The following PLCG2 variants were observed in gnomAD, a reference collection of about 807,000 sequenced individuals.
PLCG2 encodes 1-phosphatidylinositol 4,5-bisphosphate phosphodiesterase gamma-2.
A neutral mutation model predicts 175.6 loss-of-function variants in PLCG2; 69 were observed. The observed-to-expected ratio is 0.39, with a 90% CI of 0.32 to 0.48. PLCG2 has a LOEUF of 0.48. PLCG2 is among the 20% of genes least tolerant of loss of function. PLCG2 has a pLI of 0.91. For synonymous variants in PLCG2, 827 were observed against 624.0 expected (o/e 1.33, Z -4.85); for missense variants, 1,798 against 1,650.9 (o/e 1.09, Z -1.54).
At chr16:81,924,916 C>T (rs1187499572) in intron 22 of PLCG2, among the ~76,000 whole-genome samples, 1 of 152,272 alleles carries the variant, frequency 6.6e-6, no homozygotes, top group East Asian at 1.9e-4. Context: ...AGTCCCTCCA[C>T]TCGAAGTGGC....
intron 2 of PLCG2, among the ~76,000 whole-genome samples, chr16:81,817,172 A>C (rs4243216): frequency 6.6e-6 from 1 of 152,082 alleles, no homozygotes; most frequent in Admixed American, 6.5e-5. Context: ...GGAAGAGCGC[A>C]CATGATGGGT....
At chr16:81,933,288 C>T (rs1041367417) in intron 25 of PLCG2, among the ~76,000 whole-genome samples, 2 of 152,228 alleles carry the variant, frequency 1.3e-5, no homozygotes, top group African/African-American at 4.8e-5. Context: ...GGCACAGCTA[C>T]CCCTTTTGCG....
intron 2 of PLCG2, among the ~76,000 whole-genome samples, chr16:81,797,474 G>C (rs944684070): frequency 1.3e-5 from 2 of 152,150 alleles, no homozygotes; most frequent in African/African-American, 4.8e-5. Flanking sequence ...CCCGATCTTG[G>C]GGCCAGGCCT....
intron 2 of PLCG2, among the ~76,000 whole-genome samples, chr16:81,770,676 C>T (rs577389696): frequency 2.6e-5 from 4 of 152,196 alleles, no homozygotes; most frequent in South Asian, 2.1e-4. Flanking sequence ...GCTGAGATTG[C>T]GCCACTGCCC....
chr16:81,895,229 A>C (rs192134254), intron 12 of PLCG2, among the ~76,000 whole-genome samples: 5 of 152,338 alleles, frequency 3.3e-5, no homozygotes, highest in African/African-American at 1.2e-4. Flanking sequence ...CAACAGGTAA[A>C]GTCAGAAAAT....
chr16:81,824,828 G>A (rs1489725074), intron 2 of PLCG2, among the ~76,000 whole-genome samples: 1 of 152,150 alleles, frequency 6.6e-6, no homozygotes, highest in Non-Finnish European at 1.5e-5. Context: ...TACATTATGT[G>A]GCAAAGGAGA....
In PLCG2 at chr16:81,928,585, C is replaced by G; in HGVS notation, c.2542C>G (p.Leu848Val). Residue 848 changes from leucine (L) to valine (V), a missense_variant, in exon 24 of 33, where the codon CTT (leucine) becomes GTT (valine). Transcript: ENST00000564138. ...QIIEDNPLGS[L>V]CRGILDLNTY... Reference sequence around the variant, plus strand: ...TATTGAAGACAATCCCTTAGGGTCTCTTTGCAGAGGAATATTGGACCTCAA... The same window carrying G: ...TATTGAAGACAATCCCTTAGGGTCTGTTTGCAGAGGAATATTGGACCTCAA... 2 of 1,609,362 alleles carry G rather than the reference C, an allele frequency of 1.2e-6. No homozygotes were observed. Among genetic ancestry groups the G allele is most frequent in the Non-Finnish European group, 1.7e-6 (2 of 1,175,614 alleles).
chr16:81,941,682 C>T (rs1171002408), intron 30 of PLCG2, among the ~76,000 whole-genome samples: 2 of 149,814 alleles, frequency 1.3e-5, no homozygotes, highest in Non-Finnish European at 3.0e-5. Context: ...TGGGTTAACT[C>T]ACCCACACTG....
At chr16:81,824,498 A>T (rs1238648686) in intron 2 of PLCG2, among the ~76,000 whole-genome samples, 2 of 151,486 alleles carry the variant, frequency 1.3e-5, no homozygotes, top group Non-Finnish European at 2.9e-5. Context: ...GCTGGAAAGC[A>T]CCTCCAGCTT....
rs74736661 is a variant in PLCG2 at position 81,878,787 on chromosome 16, C to T, written c.649-2123C>T. On this transcript the variant is annotated intron_variant, in intron 7 of 32. Coordinates refer to ENST00000564138, the MANE Select transcript of PLCG2 (RefSeq NM_002661.5). ...GATGTTGTAACTTGCCTTTGGGATG[C>T]CCGACTGTCTTCCTTATCTTGCCTC... is the stretch of plus-strand genomic sequence containing the variant. 1.7e-3 allele frequency among the ~76,000 whole-genome samples: 258 copies of T among 152,282 alleles called. 6 individuals carry two copies. The East Asian group carries it at 0.045, about 27-fold the overall frequency.
chr16:81,857,425 G>T (rs1906740912), intron 3 of PLCG2, among the ~76,000 whole-genome samples: 1 of 152,158 alleles, frequency 6.6e-6, no homozygotes, highest in African/African-American at 2.4e-5. Flanking sequence ...GTGTGCTCTG[G>T]CTACTGTAAT....
At chr16:81,851,598 C>T (rs1296430219) in intron 2 of PLCG2, among the ~76,000 whole-genome samples, 2 of 152,124 alleles carry the variant, frequency 1.3e-5, no homozygotes, top group East Asian at 1.9e-4. Context: ...CTGCAACCTC[C>T]GCCTCCCGAG....
At chr16:81,844,318 TTTTC>T (rs1681476016) in intron 2 of PLCG2, among the ~76,000 whole-genome samples, 1 of 149,134 alleles carries the variant, frequency 6.7e-6, no homozygotes, top group African/African-American at 2.5e-5. Flanking sequence ...TTTTCCTTTC[TTTTC>T]TTTCTTCTTT....
intron 31 of PLCG2, among the ~76,000 whole-genome samples, chr16:81,952,200 C>T (rs1419662245): frequency 1.3e-5 from 2 of 151,894 alleles, no homozygotes; most frequent in Non-Finnish European, 2.9e-5. Flanking sequence ...TATACCAACC[C>T]TTCCAAAATT....
intron 2 of PLCG2, among the ~76,000 whole-genome samples, chr16:81,794,547 C>G (rs567823654): frequency 1.3e-5 from 2 of 152,246 alleles, no homozygotes; most frequent in African/African-American, 2.4e-5. Flanking sequence ...AATCCTGGTC[C>G]TGCACTTGGT....
intron 9 of PLCG2, among the ~76,000 whole-genome samples, chr16:81,884,257 A>G (rs1908240900): frequency 6.6e-6 from 1 of 152,138 alleles, no homozygotes; most frequent in Non-Finnish European, 1.5e-5. Context: ...AGGCTGAGGC[A>G]GGAGAATGGC....
At chr16:81,769,805 G>A (rs1252304230) in intron 2 of PLCG2, among the ~76,000 whole-genome samples, 1 of 122,354 alleles carries the variant, frequency 8.2e-6, no homozygotes. Flanking sequence ...GGGCGACAGA[G>A]CGAGACTCCG....
intron 2 of PLCG2, among the ~76,000 whole-genome samples, chr16:81,804,811 G>A (rs1393129857): frequency 6.6e-6 from 1 of 152,216 alleles, no homozygotes; most frequent in Non-Finnish European, 1.5e-5. Context: ...CTGGAGAAAT[G>A]TCATTGGGAA....
chr16:81,746,504 G>A (rs755218241), intron 1 of PLCG2, among the ~76,000 whole-genome samples: 1 of 152,224 alleles, frequency 6.6e-6, no homozygotes, highest in African/African-American at 2.4e-5. Context: ...GCCAGGGGTG[G>A]GAACCGCGGG....
Sources: gnomAD v4.1 joint callset for allele counts (sites outside exome capture counted in the v4.1 genomes callset) on GRCh38, gnomAD v4.1.1 for gene constraint, MANE v1.5 for transcripts, NCBI Gene and HGNC (gene_info 2026-07-23, HGNC 2026-07-21) for gene names.